NOX3: variants seen among roughly 807,000 people sequenced by gnomAD.
NOX3 encodes NADPH oxidase catalytic subunit-like 3.
Under a neutral mutation model 76.7 loss-of-function variants are expected in NOX3, and 74 were observed. The observed-to-expected ratio is 0.96, with a 90% CI of 0.80 to 1.17. The LOEUF (loss-of-function observed/expected upper bound fraction) is 1.17. Among genes scored for constraint, NOX3 ranks in the 50% most tolerant of loss-of-function variants. The pLI is 0.00. For missense variants in NOX3, 695 were observed against 703.3 expected (o/e 0.99, Z 0.13); for synonymous variants, 263 against 261.1 (o/e 1.01, Z -0.07).
chr6:155,436,124 T>C lies in NOX3; in HGVS notation c.798+294A>G, dbSNP rs560818357. On this transcript the variant is annotated intron_variant, in intron 7 of 13. Transcript: ENST00000159060. ...ATGCAGGGAGCACAAAGAAGGGTGGTGAGGCCCAAGGCTGACTCCTCCAGG... is the reference window on the plus strand; with the variant it reads ...ATGCAGGGAGCACAAAGAAGGGTGGCGAGGCCCAAGGCTGACTCCTCCAGG... Among the ~76,000 whole-genome samples the C allele has an allele frequency of 4.6e-5, 7 of 152,306 alleles. No individual in the cohort carries two copies. The South Asian group carries it at 1.5e-3, about 32-fold the overall frequency.
chr6:155,438,908 A>G (rs1776945302), intron 6 of NOX3, among the ~76,000 whole-genome samples: 1 of 152,232 alleles, frequency 6.6e-6, no homozygotes, highest in African/African-American at 2.4e-5. Flanking sequence ...CATTAGCAAC[A>G]TTGCTGGCCA....
chr6:155,435,148 C>T (rs570934933), intron 7 of NOX3, among the ~76,000 whole-genome samples: 27 of 152,090 alleles, frequency 1.8e-4, no homozygotes, highest in Non-Finnish European at 3.5e-4. Context: ...AGAGTGACAC[C>T]CTGAGTTTGG....
chr6:155,411,787 G>T (rs1431756263), intron 10 of NOX3, among the ~76,000 whole-genome samples: 1 of 152,148 alleles, frequency 6.6e-6, no homozygotes, highest in Non-Finnish European at 1.5e-5. Context: ...GACCCCAAAG[G>T]CTTGGACACT....
chr6:155,443,222 G>C (rs1777017089), intron 5 of NOX3, 51 bp downstream of exon 5: 2 of 1,576,208 alleles, frequency 1.3e-6, no homozygotes, highest in South Asian at 1.2e-5. Flanking sequence ...TAGAGGACTG[G>C]AAAAGGACGG....
intron 10 of NOX3, among the ~76,000 whole-genome samples, chr6:155,417,253 G>A (rs1776632786): frequency 6.6e-6 from 1 of 152,194 alleles, no homozygotes; most frequent in Non-Finnish European, 1.5e-5. Flanking sequence ...GCATGAATGT[G>A]TATAGGTATA....
intron 12 of NOX3, among the ~76,000 whole-genome samples, chr6:155,398,740 T>A (rs1421019560): frequency 1.3e-5 from 2 of 152,234 alleles, no homozygotes; most frequent in African/African-American, 2.4e-5. Flanking sequence ...AGAGTGCTCT[T>A]GGCTCCACCA....
rs565688495 is a variant in NOX3 at position 155,436,809 on chromosome 6, A to G, written c.669-262T>C. Among the ~76,000 whole-genome samples the G allele has an allele frequency of 2.6e-5, 4 of 152,324 alleles. No homozygotes were observed. The East Asian group carries it at 5.8e-4, about 22-fold the overall frequency. Reference sequence around the variant, plus strand: ...TAAATTGAAAGTGTCTATATTAGAGAATTCATAATGAAGGGAAATTGTTTG... The same window carrying G: ...TAAATTGAAAGTGTCTATATTAGAGGATTCATAATGAAGGGAAATTGTTTG... On this transcript the variant is annotated intron_variant, in intron 6 of 13. Transcript: ENST00000159060.
intron 4 of NOX3, among the ~76,000 whole-genome samples, chr6:155,450,152 G>A (rs1028993394): frequency 7.9e-5 from 12 of 152,148 alleles, no homozygotes; most frequent in African/African-American, 2.4e-4. Flanking sequence ...TGACCCTGCT[G>A]GGGGAGCCCC....
Position 155,397,582 on chromosome 6 carries a change from C to T in NOX3, c.1581-620G>A, listed in dbSNP as rs550259511. Among the ~76,000 whole-genome samples, 8 of 152,300 alleles carry T rather than the reference C, an allele frequency of 5.3e-5. No homozygotes were observed. The East Asian group carries it at 1.4e-3, about 26-fold the overall frequency. Reference sequence around the variant, plus strand: ...ACTAAATGGCTTTCCTGAGTAGTATCTGCGTGGTCTTGGGCAAGTCACTAG... The same window carrying T: ...ACTAAATGGCTTTCCTGAGTAGTATTTGCGTGGTCTTGGGCAAGTCACTAG... On this transcript the variant is annotated intron_variant, in intron 12 of 13. Transcript: ENST00000159060.
intron 4 of NOX3, among the ~76,000 whole-genome samples, chr6:155,449,791 C>T (rs564395812): frequency 2.6e-5 from 4 of 152,290 alleles, no homozygotes; most frequent in South Asian, 2.1e-4. Context: ...AGGTTACACA[C>T]CTCTATTAAG....
At chr6:155,408,152 T>G (rs78658382) in intron 11 of NOX3, among the ~76,000 whole-genome samples, 2,263 of 152,098 alleles carry the variant, frequency 0.015, 55 homozygotes, top group African/African-American at 0.051. Context: ...CTAATTTTTT[T>G]TGTGTGTGTA....
chr6:155,404,130 T>C (rs546250448), intron 12 of NOX3, among the ~76,000 whole-genome samples: 1 of 90,596 alleles, frequency 1.1e-5, no homozygotes, highest in Non-Finnish European at 2.1e-5. Flanking sequence ...TATATATATT[T>C]TTTTTTTCCC....
At chr6:155,418,891 C>T (rs1356926996) in intron 10 of NOX3, among the ~76,000 whole-genome samples, 1 of 152,174 alleles carries the variant, frequency 6.6e-6, no homozygotes, top group Non-Finnish European at 1.5e-5. Context: ...AGTGTTTTTA[C>T]ACATGGAGGA....
intron 8 of NOX3, among the ~76,000 whole-genome samples, chr6:155,429,559 G>A (rs1465395149): frequency 6.6e-6 from 1 of 152,072 alleles, no homozygotes; most frequent in Non-Finnish European, 1.5e-5. Context: ...CTCTTTTCTT[G>A]TTTTGTTTTC....
chr6:155,452,431 A>G, intron 4 of NOX3, among the ~76,000 whole-genome samples: 1 of 151,802 alleles, frequency 6.6e-6, no homozygotes, highest in Non-Finnish European at 1.5e-5. Context: ...ATGTCTTTTT[A>G]CTCTTATTTC....
chr6:155,430,846 G>A lies in NOX3; in HGVS notation c.888C>T (p.Thr296=), dbSNP rs775930074. Residue 296 remains threonine, a synonymous_variant, in exon 8 of 14, where the codon ACC becomes ACT. Coordinates refer to ENST00000159060, the MANE Select transcript of NOX3 (RefSeq NM_015718.3). ...FWRFQQEVVI[T]KVVSHPSGVL... ...AGACATAAAGCTACATGCATACCTT[G>A]GTAATGACAACTTCTTGTTGAAATC... The A allele has an allele frequency of 1.2e-6, 2 of 1,604,938 alleles. No individual in the cohort carries two copies. Among genetic ancestry groups the A allele is most frequent in the South Asian group, 2.2e-5 (2 of 90,852 alleles).
intron 7 of NOX3, among the ~76,000 whole-genome samples, chr6:155,434,020 C>T (rs1394700044): frequency 6.6e-6 from 1 of 152,198 alleles, no homozygotes; most frequent in African/African-American, 2.4e-5. Context: ...GTTTCCTTCA[C>T]TTTCACTCCT....
At chr6:155,436,374 C>T in intron 7 of NOX3, 44 bp downstream of exon 7, 1 of 1,610,336 alleles carries the variant, frequency 6.2e-7, no homozygotes, top group African/African-American at 1.3e-5. Context: ...TGTATTTTAA[C>T]TGTGGTGACA....
intron 4 of NOX3, among the ~76,000 whole-genome samples, chr6:155,448,476 A>G (rs1379312869): frequency 6.6e-6 from 1 of 151,938 alleles, no homozygotes; most frequent in Non-Finnish European, 1.5e-5. Context: ...TAACCCACTC[A>G]ATTGTGCCAG....
Sources: gnomAD v4.1 joint callset for allele counts (sites outside exome capture counted in the v4.1 genomes callset) on GRCh38, gnomAD v4.1.1 for gene constraint, MANE v1.5 for transcripts, NCBI Gene and HGNC (gene_info 2026-07-23, HGNC 2026-07-21) for gene names.